Variants in COL9A1 observed in about 807,000 individuals in gnomAD.
The protein encoded by COL9A1 is collagen alpha-1(IX) chain.
In COL9A1, 104 loss-of-function variants were observed where a neutral mutation model predicts 142.6. The ratio of observed to expected loss-of-function variants is 0.73; its 90% confidence interval spans 0.62 to 0.86. The LOEUF is 0.86. Ranked by LOEUF, COL9A1 falls within the 40% of genes least tolerant of loss-of-function variation. The pLI is 0.00. For missense variants in COL9A1, 1,210 were observed against 1,176.6 expected, an observed-to-expected ratio of 1.03 and a Z score of -0.42; for synonymous variants, 466 against 396.0, an observed-to-expected ratio of 1.18 and a Z score of -2.10.
intron 36 of COL9A1, among the ~76,000 whole-genome samples, chr6:70,230,774 A>C (rs1769490564): frequency 1.3e-5 from 2 of 152,282 alleles, no homozygotes; most frequent in South Asian, 2.1e-4. Context: ...AAGCCAATAA[A>C]ATCAGAATCT....
intron 37 of COL9A1, among the ~76,000 whole-genome samples, chr6:70,223,798 A>C (rs1769047072): frequency 1.3e-5 from 2 of 152,268 alleles, no homozygotes; most frequent in African/African-American, 4.8e-5. Context: ...AAATAATGTC[A>C]GATATCGTCT....
At chr6:70,280,549 A>G in intron 10 of COL9A1, 9 of 1,393,564 alleles carry the variant, frequency 6.5e-6, no homozygotes, top group Non-Finnish European at 8.4e-6. Flanking sequence ...ACGGTTAGAG[A>G]CAGGAAGCCA....
chr6:70,256,884 C>G, intron 20 of COL9A1, 63 bp from the exon 21 acceptor site: 1 of 1,498,460 alleles, frequency 6.7e-7, no homozygotes. Context: ...AGGAAGCATC[C>G]ATCTTTCTAA....
chr6:70,281,321 G>A, intron 8 of COL9A1, 69 bp downstream of exon 8: 1 of 1,471,844 alleles, frequency 6.8e-7, no homozygotes, highest in East Asian at 2.3e-5. Context: ...AAACCCCACA[G>A]GAGCCCTGGG....
At chr6:70,256,892 T>G in intron 20 of COL9A1, 71 bp from the exon 21 acceptor site, 1 of 1,417,912 alleles carries the variant, frequency 7.1e-7, no homozygotes, top group Non-Finnish European at 9.9e-7. Context: ...TCCATCTTTC[T>G]AAAGAAATTT....
chr6:70,270,495 C>T (rs1772325880), intron 14 of COL9A1, 128 bp from the exon 15 acceptor site: 2 of 664,180 alleles, frequency 3.0e-6, no homozygotes, highest in Non-Finnish European at 4.8e-6. Flanking sequence ...ATAGACCTGC[C>T]ACCAAAATCG....
Position 70,255,005 on chromosome 6 carries a change from A to G in COL9A1, c.1623T>C (p.Gly541=). The change falls in exon 24 of 38, where the codon GGT becomes GGC. Residue 541 remains glycine (G), a synonymous_variant. Coordinates refer to ENST00000357250, the MANE Select transcript of COL9A1 (RefSeq NM_001851.6). ...CAGGGATCCCATCACGGCCATCCAC[A>G]CCTGGCAAACCCTAAACACACACAA... is the stretch of plus-strand genomic sequence containing the variant. ...PGPKGDTGLP[G]VDGRDGIPGM... is the part of the protein sequence containing the mutation. 1 of 1,614,192 alleles carries G rather than the reference A, an allele frequency of 6.2e-7. No homozygotes were observed. Among genetic ancestry groups the G allele is most frequent in the Non-Finnish European group, 8.5e-7 (1 of 1,180,032 alleles).
chr6:70,247,065 C>T (rs1034087829), intron 28 of COL9A1, among the ~76,000 whole-genome samples: 1 of 152,104 alleles, frequency 6.6e-6, no homozygotes, highest in Non-Finnish European at 1.5e-5. Context: ...CTAAAGAAAT[C>T]GGCCAAAACA....
rs1770992934 is a variant in COL9A1 at position 70,252,282 on chromosome 6, T to A, written c.1798A>T (p.Met600Leu). Residue 600 changes from methionine to leucine, a missense_variant, in exon 27 of 38, where the codon ATG becomes TTG. Transcript: ENST00000357250. ...STGAPGKPGQ[M>L]GNSGKPGQQG... ...CTTACCGGTTTGCCTGAATTTCCCA[T>A]CTGACCAGGCTTCCCTGGAGCACCT... is the stretch of plus-strand genomic sequence containing the variant. 1 of 1,614,218 alleles carries A rather than the reference T, an allele frequency of 6.2e-7. No individual in the cohort carries two copies. The highest frequency in any genetic ancestry group is 2.2e-5 in the East Asian group (1 of 44,886).
At position 70,235,565 on chromosome 6, in the gene COL9A1, C is replaced by G. The variant is rs548667250; in HGVS notation, c.2113-625G>C. On this transcript the variant is annotated intron_variant, in intron 33 of 37. Coordinates refer to ENST00000357250, the MANE Select transcript of COL9A1 (RefSeq NM_001851.6). Reference sequence around the variant, plus strand: ...ACTACATTCTTCATACTTTAAGCCACTCTCTAAGAGGAACTTAGTTTTCAA... The same window carrying G: ...ACTACATTCTTCATACTTTAAGCCAGTCTCTAAGAGGAACTTAGTTTTCAA... 1.2e-3 allele frequency among the ~76,000 whole-genome samples: 187 copies of G among 152,272 alleles called. 1 individual carries two copies. Among genetic ancestry groups the G allele is most frequent in the African/African-American group, 4.3e-3 (180 of 41,562 alleles).
chr6:70,221,061 TTAAAA>T (rs1583196637), intron 37 of COL9A1, among the ~76,000 whole-genome samples: 1 of 152,066 alleles, frequency 6.6e-6, no homozygotes, highest in African/African-American at 2.4e-5. Flanking sequence ...TATATGTCAA[TTAAAA>T]TAAAATAAAA....
intron 26 of COL9A1, 68 bp downstream of exon 26, chr6:70,253,317 T>G: frequency 9.2e-7 from 1 of 1,082,920 alleles, no homozygotes; most frequent in Non-Finnish European, 1.4e-6. Context: ...ATATTAAAAA[T>G]TACAAATACG....
Position 70,283,783 on chromosome 6 carries a change from AG to A in COL9A1, c.733del (p.Leu245CysfsTer15), listed in dbSNP as rs1049091691. The stretch of plus-strand genomic sequence containing the variant: ...ATGGCAAGTTTCTCTCCTGGGCCGC[AG>A]GGGGTCACAATGGATCAGCATCCAT... ...LQWMLIHCDP[L>X]RPRRETCHEL... On this transcript the variant is annotated frameshift_variant, in exon 6 of 38. Transcript: ENST00000357250. LOFTEE classifies it high-confidence loss of function. 1.1e-5 allele frequency: 18 copies of A among 1,611,394 alleles called. No individual in the cohort carries two copies. The highest frequency in any genetic ancestry group is 1.4e-5 in the Non-Finnish European group (17 of 1,178,892).
chr6:70,281,423 G>C lies in COL9A1; in HGVS notation c.843C>G (p.Gly281=). 2 of 1,613,480 alleles carry C rather than the reference G, an allele frequency of 1.2e-6. No individual in the cohort carries two copies. Among genetic ancestry groups the C allele is most frequent in the East Asian group, 2.2e-5 (1 of 44,848 alleles). The change falls in exon 8 of 38, where the codon GGC becomes GGG. Residue 281 remains glycine (G), a synonymous_variant. Coordinates refer to ENST00000357250, the MANE Select transcript of COL9A1 (RefSeq NM_001851.6). ...PGEQGPPGPP[G]PPGVPGIDGI... is the part of the protein sequence containing the mutation. ...CATCGATGCCTGGAACTCCAGGGGGGCCCGGAGGCCCGGGAGGACCCTGCT... is the reference window on the plus strand; with the variant it reads ...CATCGATGCCTGGAACTCCAGGGGGCCCCGGAGGCCCGGGAGGACCCTGCT...
At chr6:70,299,403 G>A (rs1383529764) in intron 4 of COL9A1, among the ~76,000 whole-genome samples, 1 of 152,068 alleles carries the variant, frequency 6.6e-6, no homozygotes, top group African/African-American at 2.4e-5. Context: ...GTATTTAGGT[G>A]ATATCAAAAC....
chr6:70,226,016 T>A lies in COL9A1; in HGVS notation c.2504-7A>T, dbSNP rs778015289. 2 of 1,607,874 alleles carry A rather than the reference T, an allele frequency of 1.2e-6. No homozygotes were observed. Among genetic ancestry groups the A allele is most frequent in the Non-Finnish European group, 1.7e-6 (2 of 1,174,796 alleles). On this transcript the variant is annotated splice_polypyrimidine_tract_variant and splice_region_variant and intron_variant, in intron 36 of 37. Transcript: ENST00000357250. ...CCCTTTTCTCCCAAGTCACCTGCAT[T>A]ACATTAAAGAAATGTTATTTTTCTA...
In COL9A1 at chr6:70,216,801, A is replaced by G. The variant is rs1768533864; in HGVS notation, c.*96T>C. Reference sequence around the variant, plus strand: ...AGGTAATACATTGTAATCATGCTGAAGGTAATCATCTTTGCCCCAGCTTTG... The same window carrying G: ...AGGTAATACATTGTAATCATGCTGAGGGTAATCATCTTTGCCCCAGCTTTG... On this transcript the variant is annotated 3_prime_UTR_variant, in exon 38 of 38. Coordinates refer to ENST00000357250, the MANE Select transcript of COL9A1 (RefSeq NM_001851.6). 1.6e-6 allele frequency: 2 copies of G among 1,242,234 alleles called. No homozygotes were observed. The highest frequency in any genetic ancestry group is 1.3e-5 in the South Asian group (1 of 79,812). 77.0% of individuals were successfully genotyped at this position (1,242,234 alleles called of 1,614,324 possible). A position where few individuals can be genotyped will look rare whatever the true frequency, so the allele number is the denominator to read the frequency against.
intron 10 of COL9A1, 131 bp downstream of exon 10, chr6:70,280,681 G>C (rs1477328092): frequency 1.6e-5 from 22 of 1,354,400 alleles, no homozygotes; most frequent in Non-Finnish European, 2.1e-5. Flanking sequence ...GCTGGCAGGA[G>C]GCCAAGTTTA....
chr6:70,260,943 C>CA (rs1463744202), intron 19 of COL9A1: 14 of 445,338 alleles, frequency 3.1e-5, no homozygotes, highest in Non-Finnish European at 5.6e-5. Context: ...CTGGAGTTGA[C>CA]AAAATCACTT....
Sources: allele counts gnomAD v4.1 joint callset (sites outside exome capture counted in the v4.1 genomes callset), GRCh38; gene constraint gnomAD v4.1.1; transcripts MANE v1.5; gene names NCBI Gene and HGNC (gene_info 2026-07-23, HGNC 2026-07-21).